LDOC1: variants seen among roughly 807,000 people sequenced by gnomAD.
LDOC1 encodes LDOC1 regulator of NFKB signaling.
Under a neutral mutation model 4.9 loss-of-function variants are expected in LDOC1, and 1 was observed. That is an observed-to-expected ratio of 0.20 (90% confidence interval 0.07 to 0.96). The LOEUF (loss-of-function observed/expected upper bound fraction) is 0.96. LDOC1 is among the 40% of genes least tolerant of loss of function. The probability of loss-of-function intolerance (pLI) is 0.62; values close to 1 mark genes in which losing one functional copy is unlikely to be tolerated. For missense variants in LDOC1, 76 were observed against 128.1 expected, an observed-to-expected ratio of 0.59 and a Z score of 1.96; for synonymous variants, 55 against 58.3, an observed-to-expected ratio of 0.94 and a Z score of 0.26.
rs1340550850 is a variant in LDOC1 at position 141,176,467 on chromosome X, G to C, written c.*114C>G. 1.0e-6 allele frequency: 1 copy of C among 959,329 alleles called. No individual in the cohort carries two copies. Among genetic ancestry groups the C allele is most frequent in the African/African-American group, 2.0e-5 (1 of 50,740 alleles). 79.1% of individuals were successfully genotyped at this position (959,329 alleles called of 1,213,427 possible). On this transcript the variant is annotated 3_prime_UTR_variant, in exon 1 of 1. Transcript: ENST00000370526. ...GAGAGAGAGCAGACGGGCGCGGGTA[G>C]GTAAGGGGACCGGAGGGCAAGGGGG...
Position 141,173,304 on chromosome X carries a change from T to C in LDOC1, c.*3277A>G, listed in dbSNP as rs192480704. The C allele has an allele frequency of 8.9e-6, 1 of 112,042 alleles. No homozygotes were observed. The highest frequency in any genetic ancestry group is 1.9e-5 in the Non-Finnish European group (1 of 53,261). 9.2% of individuals were successfully genotyped at this position (112,042 alleles called of 1,213,427 possible). ...ATGACTAATTTCATTTCATTGATAG[T>C]ATAATTTCAGCGGCCATTTCAAGTC... On this transcript the variant is annotated 3_prime_UTR_variant, in exon 1 of 1. Coordinates refer to ENST00000370526, the MANE Select transcript of LDOC1 (RefSeq NM_012317.4).
chrX:141,175,225 G>A lies in LDOC1; in HGVS notation c.*1356C>T, dbSNP rs1330869331. Among the ~76,000 whole-genome samples, 1 of 111,954 alleles carries A rather than the reference G, an allele frequency of 8.9e-6. No individual in the cohort carries two copies. Among genetic ancestry groups the A allele is most frequent in the Non-Finnish European group, 1.9e-5 (1 of 53,232 alleles). On this transcript the variant is annotated 3_prime_UTR_variant, in exon 1 of 1. Coordinates refer to ENST00000370526, the MANE Select transcript of LDOC1 (RefSeq NM_012317.4). ...AGGCTATATCTTTATGGGTGCACTT[G>A]CCCAGGATCCGGGACTTAATGTTAG...
chrX:141,176,455 C>T lies in LDOC1; in HGVS notation c.*126G>A, dbSNP rs782589337. 27 of 834,056 alleles carry T rather than the reference C, an allele frequency of 3.2e-5. No homozygotes were observed. The highest frequency in any genetic ancestry group is 4.4e-5 in the Non-Finnish European group (27 of 607,557). 68.7% of individuals were successfully genotyped at this position (834,056 alleles called of 1,213,427 possible). On this transcript the variant is annotated 3_prime_UTR_variant, in exon 1 of 1. Transcript: ENST00000370526. ...CGGAGAAATGAAGAGAGAGAGCAGA[C>T]GGGCGCGGGTAGGTAAGGGGACCGG...
At position 141,174,855 on chromosome X, in the gene LDOC1, A is replaced by G; in HGVS notation, c.*1726T>C. On this transcript the variant is annotated 3_prime_UTR_variant, in exon 1 of 1. Transcript: ENST00000370526. ...CATGGTACAATGAGGACATCTGGAC[A>G]GATATAAAAGAGAACTCTGAACCCC... Among the ~76,000 whole-genome samples, 1 of 112,279 alleles carries G rather than the reference A, an allele frequency of 8.9e-6. No individual in the cohort carries two copies. Among genetic ancestry groups the G allele is most frequent in the Non-Finnish European group, 1.9e-5 (1 of 53,306 alleles).
At position 141,173,458 on chromosome X, in the gene LDOC1, G is replaced by A. The variant is rs2013589604; in HGVS notation, c.*3123C>T. 1 of 110,797 alleles carries A rather than the reference G, an allele frequency of 9.0e-6. No individual in the cohort carries two copies. The allele number at this position is 110,797 out of a possible 1,213,427, so 9.1% of individuals were successfully genotyped here. On this transcript the variant is annotated 3_prime_UTR_variant, in exon 1 of 1. Transcript: ENST00000370526. ...TACTTCTACTTCTTCCTTCTTTTTT[G>A]CCATGCTTTATGCCATTATCATGAA...
chrX:141,177,055 G>C lies in LDOC1; in HGVS notation c.-34C>G. 2.6e-6 allele frequency: 3 copies of C among 1,165,112 alleles called. No homozygotes were observed. Among genetic ancestry groups the C allele is most frequent in the Non-Finnish European group, 3.5e-6 (3 of 868,642 alleles). On this transcript the variant is annotated 5_prime_UTR_variant, in exon 1 of 1. Coordinates refer to ENST00000370526, the MANE Select transcript of LDOC1 (RefSeq NM_012317.4). Reference sequence around the variant, plus strand: ...GCCTGGAAGGACAGGACTCGGCTCGGTTCGGCTCGGCCAAGGTGCGCACGG... The same window carrying C: ...GCCTGGAAGGACAGGACTCGGCTCGCTTCGGCTCGGCCAAGGTGCGCACGG...
rs1192413979 is a variant in LDOC1, at chrX:141,174,111, G to C, written c.*2470C>G. Among the ~76,000 whole-genome samples, 4 of 111,942 alleles carry C rather than the reference G, an allele frequency of 3.6e-5. No homozygotes were observed. The highest frequency in any genetic ancestry group is 1.3e-4 in the African/African-American group (4 of 30,786). On this transcript the variant is annotated 3_prime_UTR_variant, in exon 1 of 1. Transcript: ENST00000370526. Reference sequence around the variant, plus strand: ...CCCCAATTCAAGGCCTTTCTAGTTAGGAAGAAAGTGTAATTATCTGGCCTC... The same window carrying C: ...CCCCAATTCAAGGCCTTTCTAGTTACGAAGAAAGTGTAATTATCTGGCCTC...
Position 141,176,762 on chromosome X carries a change from A to T in LDOC1, c.260T>A (p.Met87Lys). 1 of 1,212,107 alleles carries T rather than the reference A, an allele frequency of 8.3e-7. No homozygotes were observed. The highest frequency in any genetic ancestry group is 1.1e-6 in the Non-Finnish European group (1 of 895,536). The part of the protein sequence containing the change: ...VNENRFCNDA[M>K]KVAFLISLLT... ...GAGGCTGATTAGGAATGCCACCTTC[A>T]TGGCGTCGTTGCAGAATCGGTTCTC... Residue 87 changes from methionine to lysine, a missense_variant, in exon 1 of 1, where the codon ATG becomes AAG. By Grantham distance (95) the Met-to-Lys change is moderately conservative. Transcript: ENST00000370526.
Position 141,176,654 on chromosome X carries a change from T to C in LDOC1, c.368A>G (p.Asp123Gly). 1 of 1,211,743 alleles carries C rather than the reference T, an allele frequency of 8.3e-7. No homozygotes were observed. The highest frequency in any genetic ancestry group is 3.0e-5 in the East Asian group (1 of 33,796). ...CCAGCCAAAGCACTGTTTCATCTCA[T>C]CGAGGAAGGCCCGGTAATCACCTAG... ...PILGDYRAFLDEMKQCFGWDD... is the reference protein window; with the variant it reads ...PILGDYRAFLGEMKQCFGWDD... The change falls in exon 1 of 1, where the codon GAT becomes GGT. Residue 123 changes from aspartate to glycine, a missense_variant. Asp to Gly is a moderately conservative substitution (Grantham distance 94). Coordinates refer to ENST00000370526, the MANE Select transcript of LDOC1 (RefSeq NM_012317.4).
Position 141,175,094 on chromosome X carries a change from A to G in LDOC1, c.*1487T>C, listed in dbSNP as rs2013602191. The stretch of plus-strand genomic sequence containing the variant: ...AGCAGTACAAGGTCTGATTTAAGAG[A>G]TAACCAAGCATCTTGCTAATTTCCA... On this transcript the variant is annotated 3_prime_UTR_variant, in exon 1 of 1. Coordinates refer to ENST00000370526, the MANE Select transcript of LDOC1 (RefSeq NM_012317.4). 8.9e-6 allele frequency among the ~76,000 whole-genome samples: 1 copy of G among 111,984 alleles called. No homozygotes were observed. The highest frequency in any genetic ancestry group is 1.9e-5 in the Non-Finnish European group (1 of 53,239).
rs1350609917 is a variant in LDOC1, at chrX:141,176,365, G to A, written c.*216C>T. 9 of 472,496 alleles carry A rather than the reference G, an allele frequency of 1.9e-5. No individual in the cohort carries two copies. The African/African-American group carries it at 2.2e-4, about 11-fold the overall frequency. The allele number at this position is 472,496 out of a possible 1,213,427, so 38.9% of individuals were successfully genotyped here. On this transcript the variant is annotated 3_prime_UTR_variant, in exon 1 of 1. Coordinates refer to ENST00000370526, the MANE Select transcript of LDOC1 (RefSeq NM_012317.4). ...CTTCCAAGCACTTCCGAGTGAGTGA[G>A]GCTCCAGCCCCGACCCCAGCAGCAG...
rs2148479526 is a variant in LDOC1 at position 141,177,046 on chromosome X, C to CTCGGCTCGGT, written c.-35_-26dup. The CTCGGCTCGGT allele has an allele frequency of 1.7e-6, 2 of 1,183,852 alleles. No individual in the cohort carries two copies. Among genetic ancestry groups the CTCGGCTCGGT allele is most frequent in the Middle Eastern group, 2.4e-4 (1 of 4,198 alleles). On this transcript the variant is annotated 5_prime_UTR_variant, in exon 1 of 1. Transcript: ENST00000370526. ...TTGCGAACGGCCTGGAAGGACAGGA[C>CTCGGCTCGGT]TCGGCTCGGTTCGGCTCGGCCAAGG...
rs2013595203 is a variant in LDOC1 at position 141,174,296 on chromosome X, C to T, written c.*2285G>A. On this transcript the variant is annotated 3_prime_UTR_variant, in exon 1 of 1. Transcript: ENST00000370526. ...CCTGAAGAGCCCCAGATCTCATTTCCACCCAAGCCTCAGCCTCTTTTATTA... is the reference window on the plus strand; with the variant it reads ...CCTGAAGAGCCCCAGATCTCATTTCTACCCAAGCCTCAGCCTCTTTTATTA... 9.0e-6 allele frequency among the ~76,000 whole-genome samples: 1 copy of T among 111,169 alleles called. No individual in the cohort carries two copies. The highest frequency in any genetic ancestry group is 1.9e-5 in the Non-Finnish European group (1 of 53,061).
At position 141,177,107 on chromosome X, in the gene LDOC1, G is replaced by A. The variant is rs782745113; in HGVS notation, c.-86C>T. The A allele has an allele frequency of 3.1e-5, 22 of 705,824 alleles. No homozygotes were observed. Among genetic ancestry groups the A allele is most frequent in the Non-Finnish European group, 4.0e-5 (21 of 527,519 alleles). 58.2% of individuals were successfully genotyped at this position (705,824 alleles called of 1,213,427 possible). Reference sequence around the variant, plus strand: ...GCCCTCGCAGGAAGTGCGTGTCCACGGAGGCGCTTGGTGGCCAGGGGCGGG... The same window carrying A: ...GCCCTCGCAGGAAGTGCGTGTCCACAGAGGCGCTTGGTGGCCAGGGGCGGG... On this transcript the variant is annotated 5_prime_UTR_variant, in exon 1 of 1. Transcript: ENST00000370526.
rs1556283584 is a variant in LDOC1, at chrX:141,176,983, C to G, written c.39G>C (p.Leu13=). The G allele has an allele frequency of 1.4e-5, 17 of 1,209,120 alleles. No homozygotes were observed. The highest frequency in any genetic ancestry group is 1.9e-5 in the Non-Finnish European group (17 of 893,540). ...CGATGCTCAGGGCGCGGTGCCGCATCAGGAGCGCGTGCAGCAGCAGCACCA... is the reference window on the plus strand; with the variant it reads ...CGATGCTCAGGGCGCGGTGCCGCATGAGGAGCGCGTGCAGCAGCAGCACCA... The part of the protein sequence containing the change: ...DELVLLLHAL[L]MRHRALSIEN... Residue 13 remains leucine (L), a synonymous_variant, in exon 1 of 1, where the codon CTG becomes CTC. Transcript: ENST00000370526.
In LDOC1 at chrX:141,176,882, G is replaced by A. The variant is rs2013622813; in HGVS notation, c.140C>T (p.Pro47Leu). 1 of 1,210,333 alleles carries A rather than the reference G, an allele frequency of 8.3e-7. No individual in the cohort carries two copies. Among genetic ancestry groups the A allele is most frequent in the Admixed American group, 2.2e-5 (1 of 45,965 alleles). The change falls in exon 1 of 1, where the codon CCG (proline) becomes CTG (leucine). Residue 47 changes from proline to leucine, a missense_variant. By Grantham distance (98) the Pro-to-Leu change is moderately conservative. Coordinates refer to ENST00000370526, the MANE Select transcript of LDOC1 (RefSeq NM_012317.4). ...RASLLRQVRP[P>L]SCPVPFPETF... ...TTCGGGGAAGGGCACCGGGCAGCTC[G>A]GCGGACGTACCTGGCGCAGCAGGCT...
Position 141,176,152 on chromosome X carries a change from G to A in LDOC1, c.*429C>T, listed in dbSNP as rs1456909254. 1 of 167,736 alleles carries A rather than the reference G, an allele frequency of 6.0e-6. No individual in the cohort carries two copies. The highest frequency in any genetic ancestry group is 3.0e-5 in the African/African-American group (1 of 33,616). 13.8% of individuals were successfully genotyped at this position (167,736 alleles called of 1,213,427 possible). A position where few individuals can be genotyped will look rare whatever the true frequency, so the allele number is the denominator to read the frequency against. ...AGGTGGTAGTCTGTAGGTGGGATGTGGTGAGTGGATGTGAAGTGGCAGCAT... is the reference window on the plus strand; with the variant it reads ...AGGTGGTAGTCTGTAGGTGGGATGTAGTGAGTGGATGTGAAGTGGCAGCAT... On this transcript the variant is annotated 3_prime_UTR_variant, in exon 1 of 1. Transcript: ENST00000370526.
rs1556283537 is a variant in LDOC1 at position 141,176,839 on chromosome X, G to A, written c.183C>T (p.Ser61=). ...GCACGATAAACTCGGGGAGCCGGGAGCTCTCGCCATTAAACGTTTCGGGGA... is the reference window on the plus strand; with the variant it reads ...GCACGATAAACTCGGGGAGCCGGGAACTCTCGCCATTAAACGTTTCGGGGA... The part of the protein sequence containing the change: ...VPFPETFNGE[S]SRLPEFIVQT... The change falls in exon 1 of 1, where the codon AGC becomes AGT. Residue 61 remains serine, a synonymous_variant. Transcript: ENST00000370526. The A allele has an allele frequency of 1.7e-6, 2 of 1,211,934 alleles. No homozygotes were observed. The highest frequency in any genetic ancestry group is 2.2e-6 in the Non-Finnish European group (2 of 895,547).
In LDOC1 at chrX:141,175,866, A is replaced by C. The variant is rs1169659701; in HGVS notation, c.*715T>G. 8.9e-6 allele frequency: 1 copy of C among 112,971 alleles called. No homozygotes were observed. Among genetic ancestry groups the C allele is most frequent in the Non-Finnish European group, 1.9e-5 (1 of 53,475 alleles). 9.3% of individuals were successfully genotyped at this position (112,971 alleles called of 1,213,427 possible). ...TTAAGTACTATTTGTCCAAATGCAC[A>C]CATCTGTGGGACTGCTGCAATTTTG... On this transcript the variant is annotated 3_prime_UTR_variant, in exon 1 of 1. Transcript: ENST00000370526.
Sources: allele counts gnomAD v4.1 joint callset (sites outside exome capture counted in the v4.1 genomes callset), GRCh38; gene constraint gnomAD v4.1.1; transcripts MANE v1.5; gene names NCBI Gene and HGNC (gene_info 2026-07-23, HGNC 2026-07-21).